Variants in DDO observed in about 807,000 individuals in gnomAD.
DDO encodes D-aspartate oxidase.
Under a neutral mutation model 16.8 loss-of-function variants are expected in DDO, and 16 were observed. The observed-to-expected ratio is 0.95, with a 90% confidence interval of 0.65 to 1.45. The LOEUF (loss-of-function observed/expected upper bound fraction) is 1.45. Ranked by LOEUF, DDO falls within the 40% of genes most tolerant of loss-of-function variation. DDO has a pLI of 0.00. For missense variants in DDO, 429 were observed against 420.3 expected (o/e 1.02, Z -0.18); for synonymous variants, 180 against 167.2 (o/e 1.08, Z -0.59).
At chr6:110,399,254 A>G (rs1185621787) in intron 4 of DDO, among the ~76,000 whole-genome samples, 1 of 152,238 alleles carries the variant, frequency 6.6e-6, no homozygotes, top group African/African-American at 2.4e-5. Flanking sequence ...TCTAATTTGT[A>G]GCACAAAATT....
At chr6:110,407,078 C>T (rs932223685) in intron 3 of DDO, among the ~76,000 whole-genome samples, 2 of 152,098 alleles carry the variant, frequency 1.3e-5, no homozygotes, top group Admixed American at 6.6e-5. Flanking sequence ...TAAGAAAGAA[C>T]CTGATACTGA....
At chr6:110,412,540 G>C (rs1168584006) in intron 2 of DDO, among the ~76,000 whole-genome samples, 1 of 152,168 alleles carries the variant, frequency 6.6e-6, no homozygotes, top group Non-Finnish European at 1.5e-5. Context: ...GTGGAGACAT[G>C]TGGCCTGCTC....
chr6:110,411,801 T>G (rs1257448045), intron 2 of DDO, among the ~76,000 whole-genome samples: 1 of 151,934 alleles, frequency 6.6e-6, no homozygotes, highest in Non-Finnish European at 1.5e-5. Context: ...AAAATAAAAT[T>G]AAAGAGGAAA....
rs190266849 is a variant in DDO at position 110,403,481 on chromosome 6, C to T, written c.458+1293G>A. On this transcript the variant is annotated intron_variant, in intron 4 of 4. Coordinates refer to ENST00000368924, the MANE Select transcript of DDO (RefSeq NM_001372108.2). The stretch of plus-strand genomic sequence containing the variant: ...CCATCATGTGATAGCTCAAAATATA[C>T]GTTTATCAGCTGATGTAGACAAGTC... Among the ~76,000 whole-genome samples, 585 of 152,230 alleles carry T rather than the reference C, an allele frequency of 3.8e-3. 5 individuals carry two copies. The highest frequency in any genetic ancestry group is 0.013 in the African/African-American group (542 of 41,520).
In DDO at chr6:110,411,406, G is replaced by C. The variant is rs115338006; in HGVS notation, c.172+1885C>G. 2.8e-3 allele frequency among the ~76,000 whole-genome samples: 433 copies of C among 152,226 alleles called. 1 individual carries two copies. Among genetic ancestry groups the C allele is most frequent in the African/African-American group, 9.8e-3 (406 of 41,544 alleles). On this transcript the variant is annotated intron_variant, in intron 2 of 4. Transcript: ENST00000368924. ...AAACAAAAACCTCCCACAATTTGGA[G>C]ATGACAGATACTCAGATACTATTCA... is the stretch of plus-strand genomic sequence containing the variant.
downstream of DDO, among the ~76,000 whole-genome samples, chr6:110,390,826 G>A (rs1773086006): frequency 6.6e-6 from 1 of 152,148 alleles, no homozygotes; most frequent in Non-Finnish European, 1.5e-5. Flanking sequence ...TATGTATGAT[G>A]CATATGTGTT....
intron 2 of DDO, among the ~76,000 whole-genome samples, chr6:110,408,825 C>T (rs977024715): frequency 5.9e-5 from 9 of 152,244 alleles, no homozygotes; most frequent in African/African-American, 1.9e-4. Context: ...CAGCTGGCCA[C>T]ACAGTTGAGA....
intron 2 of DDO, among the ~76,000 whole-genome samples, chr6:110,413,002 G>A (rs1202700757): frequency 6.6e-6 from 1 of 152,208 alleles, no homozygotes; most frequent in South Asian, 2.1e-4. Context: ...AACTAGCCAG[G>A]CATGATGGTG....
chr6:110,400,649 T>C (rs1191774843), intron 4 of DDO, among the ~76,000 whole-genome samples: 1 of 152,164 alleles, frequency 6.6e-6, no homozygotes, highest in African/African-American at 2.4e-5. Flanking sequence ...GAGCCCTCTC[T>C]CCCAGGAGGA....
chr6:110,393,116 A>T lies in DDO; in HGVS notation c.685T>A (p.Ser229Thr). 6.2e-7 allele frequency: 1 copy of T among 1,613,964 alleles called. No homozygotes were observed. Among genetic ancestry groups the T allele is most frequent in the Non-Finnish European group, 8.5e-7 (1 of 1,179,832 alleles). The change falls in exon 5 of 5, where the codon TCC (serine) becomes ACC (threonine). Residue 229 changes from serine (S) to threonine (T), a missense_variant. Physicochemically the swap from Ser to Thr is moderately conservative, Grantham distance 58. Coordinates refer to ENST00000368924, the MANE Select transcript of DDO (RefSeq NM_001372108.2). ...SGLTYIYPGT[S>T]HVTLGGTRQK... is the part of the protein sequence containing the mutation. ...CTAGTTCCACCTAGGGTTACATGGG[A>T]TGTACCAGGATAAATATATGTCAGC...
At chr6:110,408,530 GA>G (rs1031300655) in intron 2 of DDO, 88 bp from the exon 3 acceptor site, 68 of 1,224,202 alleles carry the variant, frequency 5.6e-5, no homozygotes, top group East Asian at 9.6e-5. Flanking sequence ...TAGAAACTTG[GA>G]AAAAAAATAA....
chr6:110,394,506 A>G (rs1238320673), intron 4 of DDO, among the ~76,000 whole-genome samples: 1 of 152,214 alleles, frequency 6.6e-6, no homozygotes, highest in Admixed American at 6.5e-5. Context: ...AGAATAGAGA[A>G]AGAGACTATC....
chr6:110,413,255 T>A (rs765849174), intron 2 of DDO, 36 bp downstream of exon 2: 3 of 1,600,826 alleles, frequency 1.9e-6, no homozygotes, highest in African/African-American at 2.7e-5. Flanking sequence ...CTATCTGACA[T>A]CTATTGTATC....
chr6:110,392,156 A>G lies in DDO; in HGVS notation c.*619T>C, dbSNP rs1773119169. 1.0e-6 allele frequency: 1 copy of G among 983,944 alleles called. No homozygotes were observed. The highest frequency in any genetic ancestry group is 1.2e-6 in the Non-Finnish European group (1 of 828,526). The allele number at this position is 983,944 out of a possible 1,614,324, so 61.0% of individuals were successfully genotyped here. On this transcript the variant is annotated 3_prime_UTR_variant, in exon 5 of 5. Transcript: ENST00000368924. ...TAGGAGCAAGCATGCTTTGTCTTCA[A>G]TTAAATGTAATAATCCAGCACTGTG...
Position 110,393,318 on chromosome 6 carries a change from T to C in DDO, c.483A>G (p.Thr161=), listed in dbSNP as rs1773177460. Residue 161 remains threonine (T), a synonymous_variant, in exon 5 of 5, where the codon ACA becomes ACG. Coordinates refer to ENST00000368924, the MANE Select transcript of DDO (RefSeq NM_001372108.2). The stretch of plus-strand genomic sequence containing the variant: ...ACAGGTCTTCTATTCGCCGAGTGAG[T>C]GTCCAGCCTCCACTTCCCTTTATCC... ...EKRIKGSGGW[T]LTRRIEDLWE... The C allele has an allele frequency of 6.2e-7, 1 of 1,605,006 alleles. No individual in the cohort carries two copies. The highest frequency in any genetic ancestry group is 8.5e-7 in the Non-Finnish European group (1 of 1,173,394).
intron 1 of DDO, among the ~76,000 whole-genome samples, chr6:110,414,077 C>CCCCTTTCCTAAACCATTTT (rs1554221324): frequency 1.3e-5 from 2 of 152,148 alleles, no homozygotes; most frequent in Non-Finnish European, 2.9e-5. Context: ...CGGCTTCATC[C>CCCCTTTCCTAAACCATTTT]CCCTTTCCTA....
chr6:110,401,308 T>A (rs1773478294), intron 4 of DDO, among the ~76,000 whole-genome samples: 1 of 152,142 alleles, frequency 6.6e-6, no homozygotes, highest in Non-Finnish European at 1.5e-5. Context: ...AAAGACAATT[T>A]CTTTCTGCAC....
intron 4 of DDO, among the ~76,000 whole-genome samples, chr6:110,404,266 T>C (rs548207014): frequency 9.9e-4 from 151 of 152,306 alleles, no homozygotes; most frequent in Non-Finnish European, 1.4e-3. Flanking sequence ...AGGAGTGACA[T>C]AATTTGGATA....
chr6:110,412,052 C>T (rs1773875567), intron 2 of DDO, among the ~76,000 whole-genome samples: 1 of 152,160 alleles, frequency 6.6e-6, no homozygotes, highest in South Asian at 2.1e-4. Flanking sequence ...TTGAGACCAG[C>T]CTGGTCAACA....
Sources: gnomAD v4.1 joint callset for allele counts (sites outside exome capture counted in the v4.1 genomes callset) on GRCh38, gnomAD v4.1.1 for gene constraint, MANE v1.5 for transcripts, NCBI Gene and HGNC (gene_info 2026-07-23, HGNC 2026-07-21) for gene names.